HERC4: variants seen among roughly 807,000 people sequenced by gnomAD.
HERC4 encodes HECT and RLD domain containing E3 ubiquitin protein ligase 4.
HERC4 carries 28 observed loss-of-function variants against 124.3 expected under a neutral mutation model. The ratio of observed to expected loss-of-function variants is 0.23; its 90% CI spans 0.17 to 0.31. The LOEUF (loss-of-function observed/expected upper bound fraction) is 0.31. Among genes scored for constraint, HERC4 ranks in the 10% least tolerant of loss-of-function variants. The pLI is 1.00. For synonymous variants in HERC4, 407 were observed against 421.5 expected (o/e 0.97, Z 0.42); for missense variants, 713 against 1,229.3 (o/e 0.58, Z 6.28).
intron 5 of HERC4, 49 bp from the exon 6 acceptor site, chr10:68,034,235 A>C (rs1205392403): frequency 7.4e-7 from 1 of 1,357,322 alleles, no homozygotes; most frequent in Non-Finnish European, 1.0e-6. Context: ...CATGCAAAAA[A>C]TTTAATTTGA....
intron 16 of HERC4, among the ~76,000 whole-genome samples, chr10:67,957,313 C>G (rs1006485182): frequency 6.6e-6 from 1 of 152,094 alleles, no homozygotes; most frequent in Non-Finnish European, 1.5e-5. Flanking sequence ...ATGCGATAGC[C>G]AATTCTTACA....
At chr10:67,931,462 C>CT (rs898172343) in intron 23 of HERC4, among the ~76,000 whole-genome samples, 8 of 151,578 alleles carry the variant, frequency 5.3e-5, no homozygotes, top group African/African-American at 1.2e-4. Flanking sequence ...TTGGCTAGGG[C>CT]TTTTTTTTGG....
At position 67,954,729 on chromosome 10, in the gene HERC4, C is replaced by T. The variant is rs1306512686; in HGVS notation, c.2203G>A (p.Val735Ile). The part of the protein sequence containing the change: ...DYKKPLKVIF[V>I]GEDAVDAGGV... ...CCTGCATCCACAGCATCTTCTCCAA[C>T]AAATATAACCTAAAATAGCACAATG... Residue 735 changes from valine to isoleucine, a missense_variant, in exon 19 of 25, where the codon GTT (valine) becomes ATT (isoleucine). Coordinates refer to ENST00000373700, the MANE Select transcript of HERC4 (RefSeq NM_015601.4). The T allele has an allele frequency of 6.2e-7, 1 of 1,612,694 alleles. No homozygotes were observed. Among genetic ancestry groups the T allele is most frequent in the East Asian group, 2.2e-5 (1 of 44,830 alleles).
At chr10:68,017,818 T>G (rs983367471) in intron 8 of HERC4, among the ~76,000 whole-genome samples, 3 of 152,004 alleles carry the variant, frequency 2.0e-5, no homozygotes, top group Non-Finnish European at 4.4e-5. Flanking sequence ...TTAGGCAAAA[T>G]GAAAAAATTA....
chr10:67,927,413 TATATATATATATATATA>T (rs1440430412), intron 23 of HERC4, among the ~76,000 whole-genome samples: 444 of 12,930 alleles, frequency 0.034, 26 homozygotes, highest in African/African-American at 0.081. Flanking sequence ...TATATATATA[TATATATATATATATATA>T]TTTTTTTTTT....
chr10:67,983,902 G>A (rs569409606), intron 15 of HERC4, among the ~76,000 whole-genome samples: 127 of 152,170 alleles, frequency 8.3e-4, no homozygotes, highest in African/African-American at 2.9e-3. Context: ...GACGGAGGTT[G>A]CAGTGAGCTG....
intron 9 of HERC4, among the ~76,000 whole-genome samples, chr10:68,008,200 G>A (rs138439185): frequency 1.8e-4 from 28 of 152,116 alleles, no homozygotes; most frequent in African/African-American, 5.8e-4. Flanking sequence ...TGGGGTAGAG[G>A]TGATGCAAGC....
intron 8 of HERC4, among the ~76,000 whole-genome samples, chr10:68,020,362 A>G (rs1589343138): frequency 6.6e-6 from 1 of 152,314 alleles, no homozygotes; most frequent in South Asian, 2.1e-4. Context: ...CCTAAAAGAC[A>G]AAGACTAAAT....
chr10:68,015,481 ATTCT>A (rs2038209489), intron 8 of HERC4, among the ~76,000 whole-genome samples: 1 of 152,208 alleles, frequency 6.6e-6, no homozygotes, highest in African/African-American at 2.4e-5. Flanking sequence ...AGATTGGCAA[ATTCT>A]TTCAGGGTAG....
Position 68,025,513 on chromosome 10 carries a change from G to C in HERC4, c.908+33C>G, listed in dbSNP as rs202162838. 2.1e-5 allele frequency: 33 copies of C among 1,590,668 alleles called. No homozygotes were observed. In the Admixed American group the frequency reaches 2.3e-4, roughly 11 times the overall value. On this transcript the variant is annotated intron_variant, in intron 8 of 24. Coordinates refer to ENST00000373700, the MANE Select transcript of HERC4 (RefSeq NM_015601.4). ...GCAATCCCTAAACAACTGCAGTTTA[G>C]AGACCAAAATGCTCTTTTACATAAC...
chr10:68,026,287 G>A (rs1168438877), intron 7 of HERC4, among the ~76,000 whole-genome samples: 1 of 151,932 alleles, frequency 6.6e-6, no homozygotes, highest in African/African-American at 2.4e-5. Flanking sequence ...GTAGAGATGG[G>A]GTTTTCCTGT....
intron 9 of HERC4, chr10:67,996,076 TAGG>T: frequency 2.3e-6 from 1 of 427,874 alleles, no homozygotes; most frequent in Admixed American, 2.6e-5. Flanking sequence ...GAAGCCAAGG[TAGG>T]AGGATCACTT....
intron 15 of HERC4, among the ~76,000 whole-genome samples, chr10:67,986,082 AC>A (rs2036245590): frequency 6.6e-6 from 1 of 152,222 alleles, no homozygotes; most frequent in South Asian, 2.1e-4. Context: ...GTTCATATCT[AC>A]AGATACCTAT....
intron 20 of HERC4, among the ~76,000 whole-genome samples, chr10:67,940,542 C>A (rs2032788440): frequency 6.6e-6 from 1 of 152,120 alleles, no homozygotes; most frequent in Non-Finnish European, 1.5e-5. Flanking sequence ...GCCTCAGCCT[C>A]CTGAATAGCT....
chr10:67,971,003 C>G lies in HERC4; in HGVS notation c.1807-4201G>C, dbSNP rs368758453. Among the ~76,000 whole-genome samples the G allele has an allele frequency of 3.3e-5, 5 of 152,068 alleles. No individual in the cohort carries two copies. In the South Asian group the frequency reaches 1.0e-3, roughly 31 times the overall value. On this transcript the variant is annotated intron_variant, in intron 15 of 24. Transcript: ENST00000373700. ...AATAATGAATAAACCTACAGTCAGA[C>G]TGACCAAGAAAAAGAGATGACACAA...
At chr10:67,966,361 A>G (rs2132444719) in intron 16 of HERC4, 2 of 245,094 alleles carry the variant, frequency 8.2e-6, no homozygotes, top group Non-Finnish European at 1.5e-5. Context: ...AGTATTTTCA[A>G]CACTGGAGAA....
At chr10:67,983,075 C>CAA (rs60021463) in intron 15 of HERC4, among the ~76,000 whole-genome samples, 17 of 76,730 alleles carry the variant, frequency 2.2e-4, no homozygotes, top group African/African-American at 6.3e-4. Flanking sequence ...TTGCACTGAG[C>CAA]AAAAAAAAAA....
chr10:68,013,930 C>T, intron 9 of HERC4, 96 bp downstream of exon 9: 1 of 1,056,646 alleles, frequency 9.5e-7, no homozygotes, highest in South Asian at 1.8e-5. Context: ...AACAATGTAT[C>T]TTGGAATTCT....
At chr10:67,968,377 C>CTTT (rs879488845) in intron 15 of HERC4, among the ~76,000 whole-genome samples, 1 of 144,390 alleles carries the variant, frequency 6.9e-6, no homozygotes, top group Non-Finnish European at 1.5e-5. Context: ...GAGGCTACTC[C>CTTT]TTTTTTTTTT....
Sources: gnomAD v4.1 joint callset for allele counts (sites outside exome capture counted in the v4.1 genomes callset) on GRCh38, gnomAD v4.1.1 for gene constraint, MANE v1.5 for transcripts, NCBI Gene and HGNC (gene_info 2026-07-23, HGNC 2026-07-21) for gene names.